OSBPL10: variants seen among roughly 807,000 people sequenced by gnomAD.
OSBPL10 encodes the protein oxysterol-binding protein-related protein 10.
In OSBPL10, 49 loss-of-function variants were observed where a neutral mutation model predicts 81.7. The ratio of observed to expected loss-of-function variants is 0.60; its 90% confidence interval spans 0.48 to 0.76. The LOEUF is 0.76. Ranked by LOEUF, OSBPL10 falls within the 30% of genes least tolerant of loss-of-function variation. The pLI is 0.00. For synonymous variants in OSBPL10, 419 were observed against 383.6 expected (o/e 1.09, Z -1.08); for missense variants, 923 against 987.8 (o/e 0.93, Z 0.88).
intron 2 of OSBPL10, among the ~76,000 whole-genome samples, chr3:32,016,385 G>A (rs983116552): frequency 6.6e-6 from 1 of 151,910 alleles, no homozygotes; most frequent in African/African-American, 2.4e-5. Flanking sequence ...TCATAGGTGG[G>A]AATTGAACAA....
intron 4 of OSBPL10, among the ~76,000 whole-genome samples, chr3:31,799,605 C>T (rs553710982): frequency 1.3e-5 from 2 of 152,152 alleles, no homozygotes; most frequent in South Asian, 4.2e-4. Context: ...GTCCCTGGTA[C>T]ATTATAAGCA....
intron 2 of OSBPL10, among the ~76,000 whole-genome samples, chr3:32,038,601 C>T (rs1186253177): frequency 1.3e-5 from 2 of 152,124 alleles, no homozygotes; most frequent in Admixed American, 6.6e-5. Flanking sequence ...GGATTACAGG[C>T]GTCAGTCATC....
chr3:31,747,898 CG>C lies in OSBPL10; in HGVS notation c.940+11del, dbSNP rs560763658. On this transcript the variant is annotated intron_variant, in intron 5 of 11. Transcript: ENST00000396556. ...CTCATCCCAAACATGGACAAGCCCC[CG>C]GGGGTCTTACCCGAGGCTCCTGGCT... is the stretch of plus-strand genomic sequence containing the variant. 247 of 1,612,586 alleles carry C rather than the reference CG, an allele frequency of 1.5e-4. 1 individual carries two copies. The African/African-American group carries it at 3.1e-3, about 20-fold the overall frequency.
At chr3:31,749,898 A>G (rs1226638443) in intron 4 of OSBPL10, among the ~76,000 whole-genome samples, 1 of 151,676 alleles carries the variant, frequency 6.6e-6, no homozygotes, top group South Asian at 2.1e-4. Flanking sequence ...TTGCACCTCC[A>G]GGCCGGGCAT....
At chr3:31,723,871 T>G (rs1696731143) in intron 6 of OSBPL10, among the ~76,000 whole-genome samples, 1 of 152,180 alleles carries the variant, frequency 6.6e-6, no homozygotes, top group African/African-American at 2.4e-5. Context: ...AATAAATCAC[T>G]TTTAGAATAG....
intron 4 of OSBPL10, among the ~76,000 whole-genome samples, chr3:31,810,773 T>C (rs183235788): frequency 6.6e-6 from 1 of 152,318 alleles, no homozygotes; most frequent in East Asian, 1.9e-4. Flanking sequence ...TGCAAAAGGT[T>C]TGACGGCACA....
rs199908017 is a variant in OSBPL10 at position 32,018,148 on chromosome 3, C to CAATAAATA, written n.298+28335_298+28342dup. On this transcript the variant is annotated intron_variant and non_coding_transcript_variant, in intron 2 of 3. Transcript: ENST00000479173. The stretch of plus-strand genomic sequence containing the variant: ...GGGCAACAAGAGTAAAACTCCATCT[C>CAATAAATA]AATAAATAAATAAATAAATAAATAA... Among the ~76,000 whole-genome samples the CAATAAATA allele has an allele frequency of 4.7e-3, 662 of 141,968 alleles. 1 individual carries two copies. Among genetic ancestry groups the CAATAAATA allele is most frequent in the Middle Eastern group, 0.011 (3 of 284 alleles). 93.1% of individuals were successfully genotyped at this position (141,968 alleles called of 152,430 possible).
intron 3 of OSBPL10, among the ~76,000 whole-genome samples, chr3:31,860,996 CCACA>C (rs1701044703): frequency 6.6e-6 from 1 of 151,928 alleles, no homozygotes; most frequent in African/African-American, 2.4e-5. Flanking sequence ...CAGTTGTGAA[CCACA>C]CATGGGCAAA....
intron 6 of OSBPL10, among the ~76,000 whole-genome samples, chr3:31,722,884 TAAC>T (rs1430853259): frequency 1.3e-5 from 2 of 152,254 alleles, no homozygotes; most frequent in South Asian, 2.1e-4. Flanking sequence ...AAATAACTAT[TAAC>T]AAAGTTATAT....
At position 31,788,742 on chromosome 3, in the gene OSBPL10, C is replaced by T. The variant is rs1198512242; in HGVS notation, c.730-40622G>A. Among the ~76,000 whole-genome samples the T allele has an allele frequency of 2.6e-5, 4 of 152,002 alleles. No homozygotes were observed. In the South Asian group the frequency reaches 8.3e-4, roughly 32 times the overall value. On this transcript the variant is annotated intron_variant, in intron 4 of 11. Transcript: ENST00000396556. ...GCATTGAGCTATGATGCCACCTGTG[C>T]ACTCCAGCCTGGGCAACAAAGTGAG...
At position 31,686,039 on chromosome 3, in the gene OSBPL10, G is replaced by T. The variant is rs538074384; in HGVS notation, c.1246-1925C>A. Among the ~76,000 whole-genome samples the T allele has an allele frequency of 2.0e-5, 3 of 152,310 alleles. No homozygotes were observed. In the South Asian group the frequency reaches 6.2e-4, roughly 32 times the overall value. ...CAGGACTGAATTAGGGACCGCAAGA[G>T]CATGCTGTTCTAGAAGCGACTTTGG... On this transcript the variant is annotated intron_variant, in intron 7 of 11. Transcript: ENST00000396556.
Sources: allele counts gnomAD v4.1 joint callset (sites outside exome capture counted in the v4.1 genomes callset), GRCh38; gene constraint gnomAD v4.1.1; transcripts MANE v1.5; gene names NCBI Gene and HGNC (gene_info 2026-07-23, HGNC 2026-07-21).